Variants in MAMLD1 observed in about 807,000 individuals in gnomAD.
The protein encoded by MAMLD1 is mastermind like domain containing 1, also known as mastermind-like domain-containing protein 1.
A neutral mutation model predicts 45.0 loss-of-function variants in MAMLD1; 14 were observed. That is an observed-to-expected ratio of 0.31 (90% CI 0.21 to 0.49). MAMLD1 has a LOEUF of 0.49. MAMLD1 is among the 20% of genes least tolerant of loss of function. The pLI is 0.99. For synonymous variants in MAMLD1, 254 were observed against 247.8 expected (o/e 1.02, Z -0.24); for missense variants, 543 against 603.6 (o/e 0.90, Z 1.05).
At chrX:150,484,134 A>G (rs1557407475) in intron 5 of MAMLD1, among the ~76,000 whole-genome samples, 1 of 112,577 alleles carries the variant, frequency 8.9e-6, no homozygotes, top group African/African-American at 3.2e-5. Flanking sequence ...AATGTGACTT[A>G]TAAAAATACT....
At chrX:150,388,729 T>C (rs1557402105) in intron 1 of MAMLD1, among the ~76,000 whole-genome samples, 1 of 111,565 alleles carries the variant, frequency 9.0e-6, no homozygotes. Context: ...TTTTCAATCT[T>C]GCTAGAGGTC....
intron 1 of MAMLD1, among the ~76,000 whole-genome samples, chrX:150,423,610 GAGAA>G (rs1256594866): frequency 1.1e-5 from 1 of 93,260 alleles, no homozygotes; most frequent in African/African-American, 3.8e-5. Flanking sequence ...CCAGAAGAGA[GAGAA>G]AGAGAGAGAG....
Position 150,469,859 on chromosome X carries a change from G to T in MAMLD1, c.286G>T (p.Gly96Cys). The T allele has an allele frequency of 8.3e-7, 1 of 1,211,330 alleles. No individual in the cohort carries two copies. Among genetic ancestry groups the T allele is most frequent in the Non-Finnish European group, 1.1e-6 (1 of 895,320 alleles). Residue 96 changes from glycine (G) to cysteine (C), a missense_variant, in exon 4 of 8, where the codon GGC becomes TGC. By Grantham distance (159) the Gly-to-Cys change is radical. Coordinates refer to ENST00000370401, the MANE Select transcript of MAMLD1 (RefSeq NM_005491.5). ...PCLEDVTLAMGPGAHPSTACA... is the reference protein window; with the variant it reads ...PCLEDVTLAMCPGAHPSTACA... Reference sequence around the variant, plus strand: ...CCTTGAAGATGTCACCCTTGCAATGGGCCCAGGTGCTCATCCTAGTACTGC... The same window carrying T: ...CCTTGAAGATGTCACCCTTGCAATGTGCCCAGGTGCTCATCCTAGTACTGC...
intron 2 of MAMLD1, among the ~76,000 whole-genome samples, chrX:150,446,409 C>T (rs1419635967): frequency 4.5e-5 from 5 of 111,650 alleles, no homozygotes; most frequent in Non-Finnish European, 7.5e-5. Context: ...GAACTGGAAG[C>T]CCTGGGCTCT....
chrX:150,474,151 G>C (rs2036513867), intron 5 of MAMLD1, among the ~76,000 whole-genome samples: 1 of 111,601 alleles, frequency 9.0e-6, no homozygotes, highest in Admixed American at 9.4e-5. Context: ...TGCTTCACCT[G>C]CCTCTTCTCA....
At chrX:150,496,692 A>G (rs781966839) in intron 5 of MAMLD1, among the ~76,000 whole-genome samples, 1 of 111,959 alleles carries the variant, frequency 8.9e-6, no homozygotes, top group Admixed American at 9.4e-5. Context: ...TGCTCCCCCA[A>G]GTAGCATGAT....
intron 1 of MAMLD1, among the ~76,000 whole-genome samples, chrX:150,395,230 C>T (rs782277127): frequency 7.2e-5 from 8 of 111,406 alleles, no homozygotes; most frequent in Admixed American, 1.9e-4. Context: ...TGATGGATGA[C>T]GTTAATTGGT....
rs782085729 is a variant in MAMLD1 at position 150,505,354 on chromosome X, TG to T, written c.2284+1839del. Among the ~76,000 whole-genome samples the T allele has an allele frequency of 4.5e-5, 5 of 112,137 alleles. No individual in the cohort carries two copies. The East Asian group carries it at 1.4e-3, about 32-fold the overall frequency. Reference sequence around the variant, plus strand: ...CCCTCCATCCCTTCACCCTACTGGGTGGTCATTAGAACATTATCTGCTTTGA... The same window carrying T: ...CCCTCCATCCCTTCACCCTACTGGGTGTCATTAGAACATTATCTGCTTTGA... On this transcript the variant is annotated intron_variant, in intron 6 of 7. Transcript: ENST00000370401.
intron 1 of MAMLD1, among the ~76,000 whole-genome samples, chrX:150,404,154 C>T (rs2033942917): frequency 9.0e-6 from 1 of 110,639 alleles, no homozygotes; most frequent in Non-Finnish European, 1.9e-5. Flanking sequence ...AAACATTTCA[C>T]AGGACATCTT....
At chrX:150,462,949 T>C (rs1055802950) in intron 3 of MAMLD1, 103 bp downstream of exon 3, 32 of 612,465 alleles carry the variant, frequency 5.2e-5, no homozygotes, top group Middle Eastern at 4.6e-4. Flanking sequence ...CACAAGGTCC[T>C]TTAAGAGAGG....
At chrX:150,506,380 T>C (rs1311582747) in intron 6 of MAMLD1, among the ~76,000 whole-genome samples, 1 of 103,488 alleles carries the variant, frequency 9.7e-6, no homozygotes, top group Non-Finnish European at 2.0e-5. Context: ...CTTTATTCTC[T>C]CTCCCTCTCA....
intron 2 of MAMLD1, among the ~76,000 whole-genome samples, chrX:150,462,384 G>T (rs16995733): frequency 9.0e-6 from 1 of 111,416 alleles, no homozygotes; most frequent in Non-Finnish European, 1.9e-5. Flanking sequence ...CCTCTCTTAG[G>T]CTTGTTAAGG....
rs61740566 is a variant in MAMLD1, at chrX:150,471,087, T to C, written c.1514T>C (p.Val505Ala). The C allele has an allele frequency of 9.9e-3, 11,917 of 1,207,624 alleles. 724 individuals are homozygous for C. In the African/African-American group the frequency reaches 0.18, roughly 19 times the overall value. The change falls in exon 4 of 8, where the codon GTG becomes GCG. Residue 505 changes from valine to alanine, a missense_variant. Val to Ala is a moderately conservative substitution (Grantham distance 64, BLOSUM62 0). Coordinates refer to ENST00000370401, the MANE Select transcript of MAMLD1 (RefSeq NM_005491.5). ...QQQQQQQQAN[V>A]IFKPISSNSS... Reference sequence around the variant, plus strand: ...CAGCAGCAGCAGCAGCAAGCAAATGTGATCTTTAAGCCCATAAGCAGCAAC... The same window carrying C: ...CAGCAGCAGCAGCAGCAAGCAAATGCGATCTTTAAGCCCATAAGCAGCAAC...
At chrX:150,478,836 T>G (rs1449909694) in intron 5 of MAMLD1, among the ~76,000 whole-genome samples, 1 of 112,820 alleles carries the variant, frequency 8.9e-6, no homozygotes, top group Non-Finnish European at 1.9e-5. Flanking sequence ...CTTTCTAAAT[T>G]AAGCTGCAAA....
chrX:150,363,519 C>T lies in MAMLD1; in HGVS notation c.-75C>T, dbSNP rs1326965990. ...GACACTGCCCCCGCCGCCGCCGGAGCTCTGCAGCACGGTAAGGCTGAGGGC... is the reference window on the plus strand; with the variant it reads ...GACACTGCCCCCGCCGCCGCCGGAGTTCTGCAGCACGGTAAGGCTGAGGGC... On this transcript the variant is annotated 5_prime_UTR_variant, in exon 1 of 8. Transcript: ENST00000370401. 8.9e-6 allele frequency: 1 copy of T among 112,571 alleles called. No homozygotes were observed. Among genetic ancestry groups the T allele is most frequent in the Non-Finnish European group, 1.9e-5 (1 of 53,189 alleles). The allele number at this position is 112,571 out of a possible 1,213,427, so 9.3% of individuals were successfully genotyped here.
chrX:150,364,186 T>G (rs1557400608), intron 1 of MAMLD1, among the ~76,000 whole-genome samples: 1 of 112,529 alleles, frequency 8.9e-6, no homozygotes, highest in African/African-American at 3.2e-5. Context: ...GCGCTTCAGG[T>G]TCCCCAGCAT....
chrX:150,438,699 T>C (rs1450397112), intron 1 of MAMLD1, among the ~76,000 whole-genome samples: 4 of 112,642 alleles, frequency 3.6e-5, no homozygotes, highest in African/African-American at 1.3e-4. Flanking sequence ...CTTCGTTCCC[T>C]TTATGGCTGA....
intron 1 of MAMLD1, among the ~76,000 whole-genome samples, chrX:150,383,866 C>A (rs2032789902): frequency 9.0e-6 from 1 of 111,516 alleles, no homozygotes; most frequent in African/African-American, 3.3e-5. Context: ...AGATAAATAG[C>A]CTTTTGTGAC....
intron 5 of MAMLD1, among the ~76,000 whole-genome samples, chrX:150,489,013 T>C (rs1236348261): frequency 8.9e-6 from 1 of 112,854 alleles, no homozygotes; most frequent in Non-Finnish European, 1.9e-5. Flanking sequence ...ATGACTTACA[T>C]TGTCTTTTTT....
Sources: gnomAD v4.1 joint callset for allele counts (sites outside exome capture counted in the v4.1 genomes callset) on GRCh38, gnomAD v4.1.1 for gene constraint, MANE v1.5 for transcripts, NCBI Gene and HGNC (gene_info 2026-07-23, HGNC 2026-07-21) for gene names.